The following CCDC6 variants were observed in gnomAD, a reference collection of about 807,000 sequenced individuals.
CCDC6 encodes coiled-coil domain containing 6, also known as coiled-coil domain-containing protein 6.
A neutral mutation model predicts 56.6 loss-of-function variants in CCDC6; 20 were observed. That is an observed-to-expected ratio of 0.35 (90% CI 0.25 to 0.51). CCDC6 has a LOEUF of 0.51. Among genes scored for constraint, CCDC6 ranks in the 20% least tolerant of loss-of-function variants. The probability of loss-of-function intolerance (pLI) is 0.95; values close to 1 mark genes in which losing one functional copy is unlikely to be tolerated. For missense variants in CCDC6, 367 were observed against 601.1 expected (o/e 0.61, Z 4.07); for synonymous variants, 241 against 234.4 (o/e 1.03, Z -0.26).
At chr10:59,842,879 G>A (rs976225142) in intron 2 of CCDC6, among the ~76,000 whole-genome samples, 5 of 151,090 alleles carry the variant, frequency 3.3e-5, no homozygotes, top group South Asian at 2.1e-4. Context: ...TCAACCTCCC[G>A]AGTAGCTGGG....
chr10:59,874,052 G>A (rs544907935), intron 1 of CCDC6, among the ~76,000 whole-genome samples: 29 of 151,500 alleles, frequency 1.9e-4, no homozygotes, highest in African/African-American at 6.8e-4. Flanking sequence ...GAAAGAAAAC[G>A]AAGTGAAAGA....
chr10:59,862,522 C>T (rs1407004922), intron 1 of CCDC6, among the ~76,000 whole-genome samples: 4,167 of 81,056 alleles, frequency 0.051, 497 homozygotes, highest in African/African-American at 0.26. Flanking sequence ...TATATACACA[C>T]ACACACACAC....
At chr10:59,811,590 AGAG>A (rs2070672242) in intron 5 of CCDC6, among the ~76,000 whole-genome samples, 1 of 152,208 alleles carries the variant, frequency 6.6e-6, no homozygotes, top group South Asian at 2.1e-4. Flanking sequence ...GTAAGCGAAA[AGAG>A]AAAGGTGTAA....
intron 5 of CCDC6, among the ~76,000 whole-genome samples, chr10:59,807,360 C>A (rs1354255900): frequency 1.3e-5 from 2 of 152,092 alleles, no homozygotes; most frequent in Non-Finnish European, 2.9e-5. Flanking sequence ...TGGCAGGCAC[C>A]TGTAATCCCA....
At chr10:59,827,931 T>C (rs2070801992) in intron 3 of CCDC6, among the ~76,000 whole-genome samples, 1 of 152,174 alleles carries the variant, frequency 6.6e-6, no homozygotes, top group Admixed American at 6.5e-5. Context: ...ATGGAGTGTC[T>C]AAAACCCACG....
chr10:59,803,756 G>C (rs1038696474), intron 7 of CCDC6, among the ~76,000 whole-genome samples: 2 of 152,328 alleles, frequency 1.3e-5, no homozygotes, highest in Admixed American at 6.5e-5. Context: ...TTGAGGGAAA[G>C]GTTGTGAGGG....
chr10:59,872,990 G>T (rs1268525727), intron 1 of CCDC6, among the ~76,000 whole-genome samples: 1 of 152,170 alleles, frequency 6.6e-6, no homozygotes, highest in Admixed American at 6.5e-5. Flanking sequence ...CGTTCACTTG[G>T]TGGCAAGCCT....
chr10:59,852,672 TGA>T lies in CCDC6; in HGVS notation c.332_333del (p.Phe111TyrfsTer2). ...IQARAEQEEE[F>X]ISNTLFKKIQ... ...ATTTTCTTGAATAAAGTGTTACTAA[TGA>T]ATTCTTCTTCCTGCTCAGCCCTGGC... On this transcript the variant is annotated frameshift_variant, in exon 2 of 9. Coordinates refer to ENST00000263102, the MANE Select transcript of CCDC6 (RefSeq NM_005436.5). LOFTEE classifies it high-confidence loss of function. The T allele has an allele frequency of 6.3e-7, 1 of 1,596,834 alleles. No individual in the cohort carries two copies.
At chr10:59,900,068 C>G (rs916953940) in intron 1 of CCDC6, among the ~76,000 whole-genome samples, 12 of 152,288 alleles carry the variant, frequency 7.9e-5, no homozygotes, top group African/African-American at 2.2e-4. Flanking sequence ...GCCTCTGGAG[C>G]CAGCTCAACA....
At chr10:59,876,044 C>T (rs928545965) in intron 1 of CCDC6, among the ~76,000 whole-genome samples, 3 of 139,480 alleles carry the variant, frequency 2.2e-5, no homozygotes, top group African/African-American at 8.0e-5. Context: ...AACAAGCCTA[C>T]ACACATACAC....
intron 7 of CCDC6, among the ~76,000 whole-genome samples, chr10:59,798,991 C>CAAAAAAAAAAAAAAAAA (rs34505959): frequency 1.3e-5 from 1 of 76,972 alleles, no homozygotes; most frequent in Non-Finnish European, 2.5e-5. Flanking sequence ...AAGACTGTTT[C>CAAAAAAAAAAAAAAAAA]AAAAAAAAAA....
rs775616172 is a variant in CCDC6, at chr10:59,832,507, A to G, written c.582+18T>C. 11 of 1,600,360 alleles carry G rather than the reference A, an allele frequency of 6.9e-6. No individual in the cohort carries two copies. The highest frequency in any genetic ancestry group is 4.3e-6 in the Non-Finnish European group (5 of 1,175,392). ...GAACGAGAAAATACAATGTAAAGGA[A>G]GAGCTACAGGTGCTTACCTGTTCTA... is the stretch of plus-strand genomic sequence containing the variant. On this transcript the variant is annotated intron_variant, in intron 3 of 8. Transcript: ENST00000263102.
Position 59,828,837 on chromosome 10 carries a change from T to C in CCDC6, c.582+3688A>G, listed in dbSNP as rs533826759. On this transcript the variant is annotated intron_variant, in intron 3 of 8. Coordinates refer to ENST00000263102, the MANE Select transcript of CCDC6 (RefSeq NM_005436.5). ...AGAGCAGAGCTGATGCCCCTACCCC[T>C]GGATTTATTTGTGATTTTCCCACTG... 2.1e-4 allele frequency among the ~76,000 whole-genome samples: 32 copies of C among 152,300 alleles called. No homozygotes were observed. In the East Asian group the frequency reaches 5.4e-3, roughly 26 times the overall value.
At chr10:59,800,545 A>G (rs1056863825) in intron 7 of CCDC6, among the ~76,000 whole-genome samples, 2 of 152,172 alleles carry the variant, frequency 1.3e-5, no homozygotes, top group Admixed American at 1.3e-4. Flanking sequence ...GTTTAACTAC[A>G]TAACTTTTTA....
At chr10:59,819,487 C>G (rs2070734998) in intron 3 of CCDC6, among the ~76,000 whole-genome samples, 2 of 152,166 alleles carry the variant, frequency 1.3e-5, no homozygotes, top group African/African-American at 4.8e-5. Flanking sequence ...CCCACCACTT[C>G]CTGCCCACCT....
chr10:59,882,589 GC>G lies in CCDC6; in HGVS notation c.303+23532del, dbSNP rs1564756218. Among the ~76,000 whole-genome samples the G allele has an allele frequency of 2.3e-4, 8 of 35,298 alleles. 2 individuals carry two copies. Among genetic ancestry groups the G allele is most frequent in the African/African-American group, 6.1e-4 (8 of 13,192 alleles). 23.2% of individuals were successfully genotyped at this position (35,298 alleles called of 152,430 possible). A position where few individuals can be genotyped will look rare whatever the true frequency, so the allele number is the denominator to read the frequency against. Reference sequence around the variant, plus strand: ...CCGCGGGGAGAAGGAAAGGAAAGCCGCGGGGAGAAGGAAAGGAAAGCCGGCG... The same window carrying G: ...CCGCGGGGAGAAGGAAAGGAAAGCCGGGGGAGAAGGAAAGGAAAGCCGGCG... On this transcript the variant is annotated intron_variant, in intron 1 of 8. Coordinates refer to ENST00000263102, the MANE Select transcript of CCDC6 (RefSeq NM_005436.5).
At chr10:59,796,158 T>A (rs1274676523) in intron 7 of CCDC6, among the ~76,000 whole-genome samples, 1 of 152,214 alleles carries the variant, frequency 6.6e-6, no homozygotes, top group East Asian at 1.9e-4. Flanking sequence ...GACTTTTTAA[T>A]GATTGCCATT....
intron 2 of CCDC6, among the ~76,000 whole-genome samples, chr10:59,851,131 G>GAAAAAAAAAAAAAAAAAA (rs372606692): frequency 2.1e-5 from 1 of 46,724 alleles, no homozygotes; most frequent in Non-Finnish European, 3.9e-5. Context: ...CATGTAAATT[G>GAAAAAAAAAAAAAAAAAA]AAAAAAAAAA....
intron 3 of CCDC6, among the ~76,000 whole-genome samples, chr10:59,827,363 A>G (rs921768088): frequency 1.3e-5 from 2 of 152,242 alleles, no homozygotes; most frequent in African/African-American, 4.8e-5. Context: ...ATACAATTAT[A>G]TATCATCAGT....
Sources: allele counts gnomAD v4.1 joint callset (sites outside exome capture counted in the v4.1 genomes callset), GRCh38; gene constraint gnomAD v4.1.1; transcripts MANE v1.5; gene names NCBI Gene and HGNC (gene_info 2026-07-23, HGNC 2026-07-21).